Variants in DTNB observed in about 807,000 individuals in gnomAD.
DTNB encodes dystrobrevin beta.
In DTNB, 63 loss-of-function variants were observed where a neutral mutation model predicts 90.7. That is an observed-to-expected ratio of 0.69 (90% CI 0.57 to 0.86). The LOEUF (loss-of-function observed/expected upper bound fraction) is 0.86, where lower values mean the gene tolerates loss of function less well. Ranked by LOEUF, DTNB falls within the 40% of genes least tolerant of loss-of-function variation. The pLI is 0.00. For synonymous variants in DTNB, 277 were observed against 286.7 expected (o/e 0.97, Z 0.34); for missense variants, 744 against 807.1 (o/e 0.92, Z 0.95).
chr2:25,465,750 G>A (rs1178620617), intron 10 of DTNB, among the ~76,000 whole-genome samples: 1 of 152,072 alleles, frequency 6.6e-6, no homozygotes, highest in Admixed American at 6.5e-5. Context: ...GATCAAAGTC[G>A]TCTCTCCGGA....
intron 2 of DTNB, among the ~76,000 whole-genome samples, chr2:25,647,878 A>G (rs1263422146): frequency 2.6e-5 from 4 of 152,166 alleles, no homozygotes; most frequent in African/African-American, 9.7e-5. Context: ...ATGCTTACAT[A>G]AGAAAAAAAA....
chr2:25,603,234 T>C (rs1017332302), intron 5 of DTNB, among the ~76,000 whole-genome samples: 1 of 152,240 alleles, frequency 6.6e-6, no homozygotes, highest in African/African-American at 2.4e-5. Flanking sequence ...ACAGTCAAAT[T>C]AATTGATAAT....
At chr2:25,546,137 A>G (rs1245426507) in intron 8 of DTNB, among the ~76,000 whole-genome samples, 1 of 152,190 alleles carries the variant, frequency 6.6e-6, no homozygotes, top group East Asian at 1.9e-4. Flanking sequence ...TGTGACTTGC[A>G]TCAACCAATC....
At chr2:25,398,261 G>T (rs1293991441) in intron 16 of DTNB, among the ~76,000 whole-genome samples, 1 of 152,220 alleles carries the variant, frequency 6.6e-6, no homozygotes. Flanking sequence ...CCTAGGGCAT[G>T]CCTTCTGAGG....
chr2:25,664,539 G>GT (rs1208574540), intron 1 of DTNB, among the ~76,000 whole-genome samples: 1 of 152,102 alleles, frequency 6.6e-6, no homozygotes. Flanking sequence ...CTTACCGTAC[G>GT]TGACAGACAT....
intron 4 of DTNB, among the ~76,000 whole-genome samples, chr2:25,619,962 C>G (rs2072014054): frequency 6.6e-6 from 1 of 152,106 alleles, no homozygotes; most frequent in Non-Finnish European, 1.5e-5. Context: ...ATCACTTGAA[C>G]CCGGGAGGCG....
At chr2:25,537,319 A>G (rs553467137) in intron 8 of DTNB, among the ~76,000 whole-genome samples, 191 of 152,236 alleles carry the variant, frequency 1.3e-3, no homozygotes, top group South Asian at 2.1e-3. Context: ...ATTTTTTGCT[A>G]TATCTGCCAT....
intron 14 of DTNB, 66 bp from the exon 15 acceptor site, chr2:25,427,697 T>C: frequency 1.3e-6 from 2 of 1,504,726 alleles, no homozygotes; most frequent in South Asian, 2.3e-5. Context: ...CCAGGTGAAA[T>C]GGATTTCAGA....
At chr2:25,466,946 C>G (rs1054012482) in intron 10 of DTNB, among the ~76,000 whole-genome samples, 1 of 152,154 alleles carries the variant, frequency 6.6e-6, no homozygotes, top group East Asian at 1.9e-4. Flanking sequence ...GAAAGAGTTC[C>G]GTCAAAGTGA....
intron 8 of DTNB, among the ~76,000 whole-genome samples, chr2:25,568,903 T>TC (rs1346159258): frequency 1.4e-4 from 22 of 152,162 alleles, no homozygotes; most frequent in African/African-American, 5.1e-4. Flanking sequence ...GCTGCACTCC[T>TC]CCCACCGCCT....
intron 3 of DTNB, among the ~76,000 whole-genome samples, chr2:25,629,191 A>C (rs976638071): frequency 3.5e-4 from 53 of 152,356 alleles, no homozygotes; most frequent in African/African-American, 1.3e-3. Flanking sequence ...ATGTGTTGAA[A>C]AGAAATCAAA....
At chr2:25,441,466 T>C (rs1443841407) in intron 12 of DTNB, among the ~76,000 whole-genome samples, 1 of 152,252 alleles carries the variant, frequency 6.6e-6, no homozygotes, top group Admixed American at 6.5e-5. Flanking sequence ...TCTTGGTTGT[T>C]ATATAACTTG....
chr2:25,393,183 G>A (rs1194068096), intron 16 of DTNB, among the ~76,000 whole-genome samples: 2 of 152,056 alleles, frequency 1.3e-5, no homozygotes, highest in African/African-American at 2.4e-5. Flanking sequence ...ATCCAGCATC[G>A]CTTTATGACT....
chr2:25,429,881 A>G (rs997676949), intron 14 of DTNB, among the ~76,000 whole-genome samples: 1 of 152,124 alleles, frequency 6.6e-6, no homozygotes, highest in African/African-American at 2.4e-5. Flanking sequence ...ATTGAAAAGA[A>G]ATTCTTAGTT....
At chr2:25,506,194 T>A (rs1004325476) in intron 9 of DTNB, among the ~76,000 whole-genome samples, 1 of 151,628 alleles carries the variant, frequency 6.6e-6, no homozygotes, top group African/African-American at 2.4e-5. Context: ...AAACACAGAG[T>A]TAGATGGGAG....
intron 9 of DTNB, among the ~76,000 whole-genome samples, chr2:25,486,759 C>T (rs2066272640): frequency 6.6e-6 from 1 of 151,852 alleles, no homozygotes; most frequent in African/African-American, 2.4e-5. Context: ...GACATTAATG[C>T]TACAAATTAT....
At chr2:25,613,787 G>C (rs555250346) in intron 4 of DTNB, among the ~76,000 whole-genome samples, 78 of 152,200 alleles carry the variant, frequency 5.1e-4, no homozygotes, top group Admixed American at 1.3e-3. Context: ...GTGAAACCTT[G>C]TCTCTACTAA....
intron 16 of DTNB, among the ~76,000 whole-genome samples, chr2:25,403,312 C>A (rs747621674): frequency 6.6e-6 from 1 of 152,148 alleles, no homozygotes; most frequent in African/African-American, 2.4e-5. Context: ...GATGGGGTTC[C>A]GCCATGTTGG....
At chr2:25,442,571 T>C (rs1378324596) in intron 12 of DTNB, among the ~76,000 whole-genome samples, 2 of 152,252 alleles carry the variant, frequency 1.3e-5, no homozygotes, top group African/African-American at 4.8e-5. Context: ...AACTGGGTCA[T>C]TGTAGAACAA....
Sources: gnomAD v4.1 joint callset for allele counts (sites outside exome capture counted in the v4.1 genomes callset) on GRCh38, gnomAD v4.1.1 for gene constraint, MANE v1.5 for transcripts, NCBI Gene and HGNC (gene_info 2026-07-23, HGNC 2026-07-21) for gene names.